Variants in ZBTB44 observed in about 807,000 individuals in gnomAD.
ZBTB44 encodes the protein zinc finger and BTB domain-containing protein 44.
Under a neutral mutation model 54.0 loss-of-function variants are expected in ZBTB44, and 15 were observed. That is an observed-to-expected ratio of 0.28 (90% CI 0.19 to 0.43). ZBTB44 has a LOEUF of 0.43. ZBTB44 is among the 20% of genes least tolerant of loss of function. The probability of loss-of-function intolerance (pLI) is 1.00; values close to 1 mark genes in which losing one functional copy is unlikely to be tolerated. For synonymous variants in ZBTB44, 230 were observed against 250.1 expected (o/e 0.92, Z 0.76); for missense variants, 487 against 707.1 (o/e 0.69, Z 3.53).
chr11:130,302,058 A>T (rs1158404682), intron 1 of ZBTB44, among the ~76,000 whole-genome samples: 1 of 152,102 alleles, frequency 6.6e-6, no homozygotes, highest in African/African-American at 2.4e-5. Context: ...TCTCAAAAAA[A>T]AAAAAAAAAG....
intron 1 of ZBTB44, among the ~76,000 whole-genome samples, chr11:130,281,430 G>A (rs908590760): frequency 6.6e-6 from 1 of 151,958 alleles, no homozygotes; most frequent in Non-Finnish European, 1.5e-5. Context: ...TAAGGTGGGA[G>A]GATGGCTTGA....
chr11:130,306,448 G>A (rs1162253147), intron 1 of ZBTB44, among the ~76,000 whole-genome samples: 1 of 151,832 alleles, frequency 6.6e-6, no homozygotes, highest in African/African-American at 2.4e-5. Flanking sequence ...GTTGCAGTGA[G>A]CCGAGATTGC....
chr11:130,237,201 G>A (rs1954141980), intron 4 of ZBTB44, 108 bp from the exon 5 acceptor site: 1 of 1,131,282 alleles, frequency 8.8e-7, no homozygotes. Flanking sequence ...ATCTGAAAAG[G>A]CAAGAATTAC....
At chr11:130,306,028 G>A (rs1592078683) in intron 1 of ZBTB44, among the ~76,000 whole-genome samples, 1 of 152,036 alleles carries the variant, frequency 6.6e-6, no homozygotes, top group East Asian at 1.9e-4. Context: ...CTAATTATCA[G>A]GGAAATGCAA....
At chr11:130,260,826 G>C in intron 2 of ZBTB44, 30 bp downstream of exon 2, 1 of 1,557,862 alleles carries the variant, frequency 6.4e-7, no homozygotes, top group Non-Finnish European at 8.6e-7. Context: ...TGACTTTATA[G>C]CACCAAGAAA....
intron 1 of ZBTB44, among the ~76,000 whole-genome samples, chr11:130,303,221 C>T (rs762204127): frequency 7.2e-5 from 11 of 152,164 alleles, no homozygotes; most frequent in Non-Finnish European, 1.0e-4. Flanking sequence ...AGTAGTTCCA[C>T]AAAAACTAGA....
intron 1 of ZBTB44, among the ~76,000 whole-genome samples, chr11:130,268,017 C>T (rs1939383315): frequency 6.6e-6 from 1 of 150,676 alleles, no homozygotes; most frequent in African/African-American, 2.4e-5. Context: ...CTGCAGTGAA[C>T]CAAGATCATG....
intron 1 of ZBTB44, among the ~76,000 whole-genome samples, chr11:130,265,671 C>T (rs1415063416): frequency 1.3e-5 from 2 of 152,168 alleles, no homozygotes; most frequent in Non-Finnish European, 2.9e-5. Flanking sequence ...AGTAAAACAG[C>T]CTTATTGCTG....
intron 1 of ZBTB44, chr11:130,295,551 T>A: frequency 1.4e-6 from 1 of 702,640 alleles, no homozygotes; most frequent in Non-Finnish European, 2.6e-6. Context: ...GTGCCCAGCC[T>A]GCCCCTGGGA....
chr11:130,245,784 G>A (rs1266094784), intron 2 of ZBTB44, among the ~76,000 whole-genome samples: 2 of 152,208 alleles, frequency 1.3e-5, no homozygotes, highest in Non-Finnish European at 2.9e-5. Flanking sequence ...ATACTCTTTC[G>A]AGGAGGGAAT....
rs1940745899 is a variant in ZBTB44, at chr11:130,284,035, C to G, written c.-56-22106G>C. 3.5e-5 allele frequency among the ~76,000 whole-genome samples: 5 copies of G among 142,984 alleles called. No homozygotes were observed. In the South Asian group the frequency reaches 1.1e-3, roughly 32 times the overall value. 93.8% of individuals were successfully genotyped at this position (142,984 alleles called of 152,430 possible). ...GGGCACGGTGGCTCATGCCTGTAAT[C>G]CAAGCACATATGGGAGGCTGAGGTG... On this transcript the variant is annotated intron_variant, in intron 1 of 7. Transcript: ENST00000357899.
chr11:130,235,967 CAA>C (rs573886694), intron 5 of ZBTB44: 6,091 of 586,594 alleles, frequency 0.01, no homozygotes, highest in South Asian at 0.019. Flanking sequence ...GACTCCATCT[CAA>C]AAAAAAAAAA....
intron 2 of ZBTB44, among the ~76,000 whole-genome samples, chr11:130,246,119 A>G (rs913376618): frequency 4.6e-5 from 7 of 152,260 alleles, no homozygotes; most frequent in Non-Finnish European, 8.8e-5. Flanking sequence ...CTGTGGAGGT[A>G]AACACATAGT....
intron 1 of ZBTB44, among the ~76,000 whole-genome samples, chr11:130,291,388 C>T (rs564262355): frequency 2.6e-5 from 4 of 152,288 alleles, no homozygotes; most frequent in East Asian, 1.9e-4. Context: ...CCGCCCACCT[C>T]GGCCTCCCAA....
At chr11:130,234,832 A>C (rs1423955383) in intron 5 of ZBTB44, among the ~76,000 whole-genome samples, 1 of 152,208 alleles carries the variant, frequency 6.6e-6, no homozygotes, top group East Asian at 1.9e-4. Context: ...CTAATAAAGA[A>C]TTTGGAAATG....
intron 2 of ZBTB44, among the ~76,000 whole-genome samples, chr11:130,259,798 T>C (rs1489555270): frequency 6.8e-6 from 1 of 146,850 alleles, no homozygotes; most frequent in Non-Finnish European, 1.5e-5. Flanking sequence ...CAGTGGGGCC[T>C]GTTGGGGGAT....
chr11:130,248,688 T>C (rs1937735814), intron 2 of ZBTB44, among the ~76,000 whole-genome samples: 1 of 152,052 alleles, frequency 6.6e-6, no homozygotes, highest in Non-Finnish European at 1.5e-5. Context: ...CAAACCACAT[T>C]GGGATTATCT....
chr11:130,279,966 G>C (rs1215820392), intron 1 of ZBTB44, among the ~76,000 whole-genome samples: 1 of 152,202 alleles, frequency 6.6e-6, no homozygotes, highest in African/African-American at 2.4e-5. Flanking sequence ...ATAATTGCAA[G>C]ATTCTCTCAG....
chr11:130,238,757 A>C (rs1351729164), intron 3 of ZBTB44, 150 bp from the exon 4 acceptor site: 1 of 842,226 alleles, frequency 1.2e-6, no homozygotes, highest in Non-Finnish European at 1.7e-6. Context: ...TACTTTAACA[A>C]TATGAAAAAC....
Sources: gnomAD v4.1 joint callset for allele counts (sites outside exome capture counted in the v4.1 genomes callset) on GRCh38, gnomAD v4.1.1 for gene constraint, MANE v1.5 for transcripts, NCBI Gene and HGNC (gene_info 2026-07-23, HGNC 2026-07-21) for gene names.